Variants in TNR observed in about 807,000 individuals in gnomAD.
TNR encodes tenascin-R.
A neutral mutation model predicts 150.4 loss-of-function variants in TNR; 45 were observed. That is an observed-to-expected ratio of 0.30 (90% CI 0.24 to 0.38). The LOEUF (loss-of-function observed/expected upper bound fraction) is 0.38. Among genes scored for constraint, TNR ranks in the 10% least tolerant of loss-of-function variants. The pLI is 1.00. For missense variants in TNR, 1,544 were observed against 1,759.1 expected, an observed-to-expected ratio of 0.88 and a Z score of 2.19; for synonymous variants, 687 against 678.4, an observed-to-expected ratio of 1.01 and a Z score of -0.20.
At chr1:175,432,506 A>G (rs1420453100) in intron 2 of TNR, among the ~76,000 whole-genome samples, 1 of 151,980 alleles carries the variant, frequency 6.6e-6, no homozygotes, top group Non-Finnish European at 1.5e-5. Flanking sequence ...CCTTCTTTCT[A>G]TAGCCTTTTC....
intron 1 of TNR, among the ~76,000 whole-genome samples, chr1:175,669,360 C>G (rs1354752513): frequency 6.6e-6 from 1 of 152,158 alleles, no homozygotes; most frequent in African/African-American, 2.4e-5. Context: ...GAATGAAAAC[C>G]TCCAAGTTTG....
intron 8 of TNR, among the ~76,000 whole-genome samples, chr1:175,381,831 G>T (rs576105989): frequency 6.6e-6 from 1 of 152,242 alleles, no homozygotes; most frequent in Non-Finnish European, 1.5e-5. Context: ...GGCTCTGAGT[G>T]ATCCGGCCCT....
intron 14 of TNR, 54 bp from the exon 15 acceptor site, chr1:175,359,785 G>A: frequency 6.4e-7 from 1 of 1,555,300 alleles, no homozygotes; most frequent in Non-Finnish European, 8.7e-7. Flanking sequence ...GGATAGAAAT[G>A]CAGGGAATGA....
chr1:175,421,279 C>T (rs1360186483), intron 2 of TNR, among the ~76,000 whole-genome samples: 2 of 152,192 alleles, frequency 1.3e-5, no homozygotes, highest in Non-Finnish European at 2.9e-5. Context: ...TCTCAGATTT[C>T]CCTAGCAACA....
At chr1:175,365,754 T>C in intron 11 of TNR, 121 bp downstream of exon 11, 4 of 1,419,750 alleles carry the variant, frequency 2.8e-6, no homozygotes, top group Admixed American at 2.2e-5. Context: ...TATCCTTTTC[T>C]ACCCACCTCT....
At position 175,528,307 on chromosome 1, in the gene TNR, A is replaced by G. The variant is rs1659929017; in HGVS notation, c.-102T>C. 6.6e-6 allele frequency: 1 copy of G among 152,212 alleles called. No individual in the cohort carries two copies. The highest frequency in any genetic ancestry group is 6.5e-5 in the Admixed American group (1 of 15,276). The allele number at this position is 152,212 out of a possible 1,614,324, so 9.4% of individuals were successfully genotyped here. ...GTCTTCGATGCTTTCTCTTTACTGC[A>G]CTTTCTTTAATCCTAATTCCAAAAG... is the stretch of plus-strand genomic sequence containing the variant. On this transcript the variant is annotated 5_prime_UTR_variant, in exon 2 of 23. Transcript: ENST00000367674.
chr1:175,549,974 A>G (rs1660872216), intron 1 of TNR, among the ~76,000 whole-genome samples: 2 of 152,116 alleles, frequency 1.3e-5, no homozygotes, highest in South Asian at 4.2e-4. Flanking sequence ...TTAACCTGCT[A>G]TTTTTGTGAT....
chr1:175,547,721 G>A (rs1472369073), intron 1 of TNR, among the ~76,000 whole-genome samples: 3 of 152,180 alleles, frequency 2.0e-5, no homozygotes, highest in African/African-American at 7.2e-5. Flanking sequence ...AGAAAAGGGT[G>A]CTCTAGACAG....
rs1388170375 is a variant in TNR at position 175,320,365 on chromosome 1, C to G, written c.*2992G>C. 1 of 152,052 alleles carries G rather than the reference C, an allele frequency of 6.6e-6. No individual in the cohort carries two copies. The highest frequency in any genetic ancestry group is 1.5e-5 in the Non-Finnish European group (1 of 67,996). The allele number at this position is 152,052 out of a possible 1,614,324, so 9.4% of individuals were successfully genotyped here. A position where few individuals can be genotyped will look rare whatever the true frequency, so the allele number is the denominator to read the frequency against. ...GGTGAAAACTCATGAGAAAATCACCCTATTAAATAAAAGGAATCTATAAAT... is the reference window on the plus strand; with the variant it reads ...GGTGAAAACTCATGAGAAAATCACCGTATTAAATAAAAGGAATCTATAAAT... On this transcript the variant is annotated 3_prime_UTR_variant, in exon 23 of 23. Coordinates refer to ENST00000367674, the MANE Select transcript of TNR (RefSeq NM_003285.3).
intron 1 of TNR, among the ~76,000 whole-genome samples, chr1:175,654,751 G>A (rs1665120517): frequency 1.5e-5 from 2 of 137,318 alleles, no homozygotes; most frequent in South Asian, 4.8e-4. Flanking sequence ...TTTGGAGACG[G>A]AGTCTCGCTC....
intron 1 of TNR, among the ~76,000 whole-genome samples, chr1:175,641,641 A>C (rs56753616): frequency 0.022 from 3,314 of 152,300 alleles, 105 homozygotes; most frequent in African/African-American, 0.073. Flanking sequence ...GATAAAACAA[A>C]AGAAAATAAA....
chr1:175,396,890 A>C (rs1571383512), intron 4 of TNR, 83 bp from the exon 5 acceptor site: 360 of 1,503,598 alleles, frequency 2.4e-4, no homozygotes, highest in Non-Finnish European at 3.0e-4. Flanking sequence ...CTCACATCTC[A>C]CCCCCCATGC....
At chr1:175,559,530 C>A (rs1661331776) in intron 1 of TNR, among the ~76,000 whole-genome samples, 1 of 152,134 alleles carries the variant, frequency 6.6e-6, no homozygotes, top group African/African-American at 2.4e-5. Context: ...TTTGGTAGTT[C>A]TCACTCCCAC....
intron 1 of TNR, among the ~76,000 whole-genome samples, chr1:175,589,822 G>T (rs1487512516): frequency 2.6e-5 from 4 of 151,916 alleles, no homozygotes; most frequent in Non-Finnish European, 4.4e-5. Flanking sequence ...ACAGGAAAGG[G>T]AACATCACAC....
intron 2 of TNR, among the ~76,000 whole-genome samples, chr1:175,499,967 T>C (rs1571527076): frequency 6.6e-6 from 1 of 152,156 alleles, no homozygotes; most frequent in Admixed American, 6.5e-5. Context: ...GAAAATACAA[T>C]GCCTATGGTT....
chr1:175,410,978 C>A (rs1402533274), intron 2 of TNR, among the ~76,000 whole-genome samples: 2 of 152,106 alleles, frequency 1.3e-5, no homozygotes, highest in Non-Finnish European at 2.9e-5. Flanking sequence ...GTGGAGAAGG[C>A]CAAAGTTCAT....
At chr1:175,601,648 A>G (rs948286932) in intron 1 of TNR, among the ~76,000 whole-genome samples, 1 of 152,206 alleles carries the variant, frequency 6.6e-6, no homozygotes, top group Non-Finnish European at 1.5e-5. Flanking sequence ...AAACAGATTC[A>G]ACTAAGAGTC....
intron 2 of TNR, among the ~76,000 whole-genome samples, chr1:175,432,842 G>T (rs2102072215): frequency 6.6e-6 from 1 of 152,264 alleles, no homozygotes. Flanking sequence ...GGGTCATACT[G>T]CATTCAACTC....
intron 1 of TNR, among the ~76,000 whole-genome samples, chr1:175,640,756 G>A (rs1365956842): frequency 2.0e-5 from 3 of 148,558 alleles, no homozygotes; most frequent in Non-Finnish European, 4.4e-5. Context: ...TCAATAACCT[G>A]TTACAACTAA....
Sources: gnomAD v4.1 joint callset for allele counts (sites outside exome capture counted in the v4.1 genomes callset) on GRCh38, gnomAD v4.1.1 for gene constraint, MANE v1.5 for transcripts, NCBI Gene and HGNC (gene_info 2026-07-23, HGNC 2026-07-21) for gene names.